The following LOXHD1 variants were observed in gnomAD, a reference collection of about 807,000 sequenced individuals.
LOXHD1 encodes the protein lipoxygenase homology domain-containing protein 1.
LOXHD1 carries 205 observed loss-of-function variants against 248.2 expected under a neutral mutation model. That is an observed-to-expected ratio of 0.83 (90% CI 0.74 to 0.93). The LOEUF (loss-of-function observed/expected upper bound fraction) is 0.93. Ranked by LOEUF, LOXHD1 falls within the 40% of genes least tolerant of loss-of-function variation. The pLI is 0.00. For missense variants in LOXHD1, 2,930 were observed against 2,971.6 expected, an observed-to-expected ratio of 0.99 and a Z score of 0.33; for synonymous variants, 1,113 against 1,162.8, an observed-to-expected ratio of 0.96 and a Z score of 0.87.
chr18:46,565,431 A>T (rs2037619883), intron 17 of LOXHD1, among the ~76,000 whole-genome samples: 1 of 152,100 alleles, frequency 6.6e-6, no homozygotes, highest in Non-Finnish European at 1.5e-5. Context: ...GCATTATCCT[A>T]TTATTGTCTG....
In LOXHD1 at chr18:46,563,192, TCTC is replaced by T; in HGVS notation, c.2468_2470del (p.Gly823del). 2 of 1,520,378 alleles carry T rather than the reference TCTC, an allele frequency of 1.3e-6. No individual in the cohort carries two copies. Among genetic ancestry groups the T allele is most frequent in the Non-Finnish European group, 1.8e-6 (2 of 1,121,344 alleles). 94.2% of individuals were successfully genotyped at this position (1,520,378 alleles called of 1,614,324 possible). A position where few individuals can be genotyped will look rare whatever the true frequency, so the allele number is the denominator to read the frequency against. On this transcript the variant is annotated inframe_deletion, in exon 18 of 41. Transcript: ENST00000642948. ...GGCACTGGTGCCTGCGCCACCCACA[TCTC>T]CTGTCCAAATCTCAACCTCATAGTG...
chr18:46,521,112 C>T lies in LOXHD1; in HGVS notation c.5256G>A (p.Val1752=). The T allele has an allele frequency of 6.4e-7, 1 of 1,551,734 alleles. No individual in the cohort carries two copies. The change falls in exon 33 of 41, where the codon GTG becomes GTA. Residue 1752 remains valine, a synonymous_variant. Transcript: ENST00000642948. ...CCCCCCCTACCTTCACCCCAATGTT[C>T]ACCACCATGGCATCCAAGAGGTCGA... is the stretch of plus-strand genomic sequence containing the variant. ...RVFDLLDAMV[V]NIGVKVLYEM... is the part of the protein sequence containing the mutation.
At chr18:46,483,446 C>T (rs147904865) in intron 40 of LOXHD1, 141 bp downstream of exon 40, 2 of 998,212 alleles carry the variant, frequency 2.0e-6, no homozygotes, top group African/African-American at 1.6e-5. Context: ...TCCCTTCCTG[C>T]CTTCTAGGCC....
At position 46,594,335 on chromosome 18, in the gene LOXHD1, C is replaced by T; in HGVS notation, c.1266G>A (p.Leu422=). The T allele has an allele frequency of 6.4e-7, 1 of 1,551,626 alleles. No homozygotes were observed. Among genetic ancestry groups the T allele is most frequent in the Non-Finnish European group, 8.7e-7 (1 of 1,146,982 alleles). Residue 422 remains leucine (L), a synonymous_variant, in exon 9 of 41, where the codon CTG becomes CTA. Coordinates refer to ENST00000642948, the MANE Select transcript of LOXHD1 (RefSeq NM_001384474.1). The part of the protein sequence containing the change: ...YEMVSLRKKR[L]KKFPWSLWVW... The stretch of plus-strand genomic sequence containing the variant: ...TTCTGGGTCTCTCTCACTTACTTTT[C>T]AGCCGCTTCTTCCTGAGAGACACCA...
At chr18:46,583,341 C>T (rs765025086) in intron 12 of LOXHD1, among the ~76,000 whole-genome samples, 1 of 151,982 alleles carries the variant, frequency 6.6e-6, no homozygotes, top group Non-Finnish European at 1.5e-5. Context: ...TTTGCCCAAA[C>T]AAAAACTTTT....
chr18:46,564,535 A>C (rs1214387277), intron 17 of LOXHD1, among the ~76,000 whole-genome samples: 2 of 152,150 alleles, frequency 1.3e-5, no homozygotes, highest in African/African-American at 4.8e-5. Context: ...TGTCTCTAAA[A>C]ACTAAATAAA....
At chr18:46,524,960 C>T (rs1029886432) in intron 29 of LOXHD1, 43 bp from the exon 30 acceptor site, 11 of 1,541,832 alleles carry the variant, frequency 7.1e-6, no homozygotes, top group Middle Eastern at 1.7e-4. Flanking sequence ...GGTGTGCCAC[C>T]CACTCAACCC....
At chr18:46,585,171 C>T (rs967231659) in intron 12 of LOXHD1, among the ~76,000 whole-genome samples, 5 of 152,084 alleles carry the variant, frequency 3.3e-5, no homozygotes, top group African/African-American at 9.7e-5. Context: ...CGAGTCATCT[C>T]TTGTATTCAA....
At position 46,592,574 on chromosome 18, in the gene LOXHD1, G is replaced by A. The variant is rs373604796; in HGVS notation, c.1442C>T (p.Pro481Leu). The change falls in exon 11 of 41, where the codon CCG becomes CTG. Residue 481 changes from proline (P) to leucine (L), a missense_variant. Physicochemically the swap from Pro to Leu is moderately conservative, Grantham distance 98. Coordinates refer to ENST00000642948, the MANE Select transcript of LOXHD1 (RefSeq NM_001384474.1). ...GIIEKFRIEL[P>L]DLGRFYKIRV... ...AATCTTATAAAACCTGCCAAGATCC[G>A]GGAGCTCAATCTATGGTGAGAAATA... is the stretch of plus-strand genomic sequence containing the variant. 1.9e-5 allele frequency: 30 copies of A among 1,551,360 alleles called. No homozygotes were observed. The highest frequency in any genetic ancestry group is 9.6e-5 in the African/African-American group (7 of 73,108).
intron 1 of LOXHD1, among the ~76,000 whole-genome samples, chr18:46,654,724 T>C (rs1369714618): frequency 6.6e-6 from 1 of 152,226 alleles, no homozygotes; most frequent in Non-Finnish European, 1.5e-5. Context: ...ACCGTTGTTC[T>C]AGCACTGAGA....
intron 37 of LOXHD1, among the ~76,000 whole-genome samples, chr18:46,491,983 G>T (rs1371004393): frequency 6.6e-6 from 1 of 152,216 alleles, no homozygotes; most frequent in Non-Finnish European, 1.5e-5. Context: ...ATTCCTCAGA[G>T]AAACTCCTTC....
At chr18:46,649,713 T>C (rs1568234785) in intron 1 of LOXHD1, among the ~76,000 whole-genome samples, 1 of 152,206 alleles carries the variant, frequency 6.6e-6, no homozygotes, top group East Asian at 1.9e-4. Context: ...CACTGACATT[T>C]CAGTCTCAGA....
At chr18:46,539,732 T>C (rs1297048198) in intron 25 of LOXHD1, among the ~76,000 whole-genome samples, 1 of 152,196 alleles carries the variant, frequency 6.6e-6, no homozygotes, top group Non-Finnish European at 1.5e-5. Flanking sequence ...TTGTGACATT[T>C]TTATTTTTTG....
At chr18:46,541,521 G>A (rs1414937393) in intron 25 of LOXHD1, among the ~76,000 whole-genome samples, 1 of 152,168 alleles carries the variant, frequency 6.6e-6, no homozygotes, top group Non-Finnish European at 1.5e-5. Flanking sequence ...ACCCTCGAGA[G>A]GTTAGGTTCT....
intron 29 of LOXHD1, 38 bp from the exon 30 acceptor site, chr18:46,524,955 G>A (rs1487073217): frequency 1.3e-6 from 2 of 1,547,838 alleles, no homozygotes; most frequent in East Asian, 4.9e-5. Context: ...ATGGGGGTGT[G>A]CCACCCACTC....
At chr18:46,558,029 C>T (rs1481008697) in intron 20 of LOXHD1, 17 of 988,290 alleles carry the variant, frequency 1.7e-5, no homozygotes, top group African/African-American at 5.2e-5. Flanking sequence ...GCTCCATGCA[C>T]GGGAGGAAGC....
At chr18:46,563,499 A>AAGG (rs1247492318) in intron 17 of LOXHD1, among the ~76,000 whole-genome samples, 1 of 152,158 alleles carries the variant, frequency 6.6e-6, no homozygotes, top group Non-Finnish European at 1.5e-5. Context: ...ACGCACCAGG[A>AAGG]AGGAGGAGGA....
Position 46,626,902 on chromosome 18 carries a change from A to G in LOXHD1, c.512-8612T>C, listed in dbSNP as rs191503118. On this transcript the variant is annotated intron_variant, in intron 4 of 40. Transcript: ENST00000642948. ...AAATTAAATGGATGTTTAGATAGAT[A>G]GGTGGATGGATAGATTAGATTAAGA... 2.1e-4 allele frequency among the ~76,000 whole-genome samples: 32 copies of G among 152,352 alleles called. No individual in the cohort carries two copies. In the East Asian group the frequency reaches 6.2e-3, roughly 29 times the overall value.
chr18:46,582,834 G>A (rs1003630390), intron 12 of LOXHD1, among the ~76,000 whole-genome samples: 6 of 152,316 alleles, frequency 3.9e-5, no homozygotes, highest in African/African-American at 1.4e-4. Flanking sequence ...TGGGACAGCA[G>A]GGAGATTAGG....
Sources: gnomAD v4.1 joint callset for allele counts (sites outside exome capture counted in the v4.1 genomes callset) on GRCh38, gnomAD v4.1.1 for gene constraint, MANE v1.5 for transcripts, NCBI Gene and HGNC (gene_info 2026-07-23, HGNC 2026-07-21) for gene names.